The following HECW2 variants were observed in gnomAD, a reference collection of about 807,000 sequenced individuals.
HECW2 encodes the protein E3 ubiquitin-protein ligase HECW2.
Under a neutral mutation model 175.2 loss-of-function variants are expected in HECW2, and 61 were observed. The ratio of observed to expected loss-of-function variants is 0.35; its 90% CI spans 0.28 to 0.43. The LOEUF (loss-of-function observed/expected upper bound fraction) is 0.43. Ranked by LOEUF, HECW2 falls within the 20% of genes least tolerant of loss-of-function variation. The pLI, the probability that HECW2 is intolerant of heterozygous loss-of-function variation, is 1.00. For missense variants in HECW2, 1,524 were observed against 2,000.5 expected, an observed-to-expected ratio of 0.76 and a Z score of 4.54; for synonymous variants, 671 against 731.0, an observed-to-expected ratio of 0.92 and a Z score of 1.32.
chr2:196,572,899 G>A (rs575828896), intron 1 of HECW2, among the ~76,000 whole-genome samples: 2 of 152,266 alleles, frequency 1.3e-5, no homozygotes, highest in South Asian at 4.2e-4. Context: ...TGAACTGTGA[G>A]AAGTAAATAT....
At chr2:196,522,797 G>A (rs1433716534) in intron 1 of HECW2, among the ~76,000 whole-genome samples, 3 of 151,542 alleles carry the variant, frequency 2.0e-5, no homozygotes, top group South Asian at 2.1e-4. Context: ...GTAGATATGC[G>A]GCGTTATTTC....
At chr2:196,482,899 GA>G (rs1207064194) in intron 1 of HECW2, among the ~76,000 whole-genome samples, 1 of 152,126 alleles carries the variant, frequency 6.6e-6, no homozygotes, top group African/African-American at 2.4e-5. Flanking sequence ...CCACTTCTCT[GA>G]CTTTTTGTTT....
At chr2:196,535,604 G>T (rs1688995157) in intron 1 of HECW2, among the ~76,000 whole-genome samples, 1 of 152,130 alleles carries the variant, frequency 6.6e-6, no homozygotes, top group African/African-American at 2.4e-5. Flanking sequence ...ACCTTTCTGG[G>T]TCTAATGTCT....
Position 196,260,133 on chromosome 2 carries a change from A to T in HECW2, c.3336-2227T>A, listed in dbSNP as rs190387087. The T allele has an allele frequency of 1.6e-4, 25 of 152,352 alleles. No homozygotes were observed. In the East Asian group the frequency reaches 4.6e-3, roughly 28 times the overall value. 9.4% of individuals were successfully genotyped at this position (152,352 alleles called of 1,614,324 possible). On this transcript the variant is annotated intron_variant, in intron 17 of 28. Transcript: ENST00000644978. ...TGAGTCACAAGGATGATAGGATGAG[A>T]AAAAGAAAGGACAAAGGCACCAGAG...
At chr2:196,312,504 A>G (rs759174517) in intron 10 of HECW2, among the ~76,000 whole-genome samples, 2 of 152,182 alleles carry the variant, frequency 1.3e-5, no homozygotes, top group Non-Finnish European at 2.9e-5. Context: ...AAGGAAGTAA[A>G]ATTCCATTTG....
At chr2:196,480,437 G>A (rs535783430) in intron 1 of HECW2, among the ~76,000 whole-genome samples, 4 of 152,266 alleles carry the variant, frequency 2.6e-5, no homozygotes, top group African/African-American at 9.6e-5. Flanking sequence ...AATTGGGCGA[G>A]GCCTCCCTCA....
In HECW2 at chr2:196,292,727, GTTTGT is replaced by G; in HGVS notation, c.2833_2837del (p.Thr945GlnfsTer19). 6.2e-7 allele frequency: 1 copy of G among 1,613,502 alleles called. No homozygotes were observed. Among genetic ancestry groups the G allele is most frequent in the Non-Finnish European group, 8.5e-7 (1 of 1,179,500 alleles). ...TGATCATGTGCTTCAAACACGTGTT[GTTTGT>G]AAACATGCGGTAGGCACTCTAAAGA... On this transcript the variant is annotated frameshift_variant, in exon 14 of 29. Coordinates refer to ENST00000644978, the MANE Select transcript of HECW2 (RefSeq NM_001348768.2). LOFTEE classifies it high-confidence loss of function.
At chr2:196,435,934 A>T (rs1695854709) in intron 1 of HECW2, among the ~76,000 whole-genome samples, 1 of 152,354 alleles carries the variant, frequency 6.6e-6, no homozygotes, top group South Asian at 2.1e-4. Context: ...CTTTAATTAT[A>T]TCAAGAACTG....
At chr2:196,451,949 C>T (rs1696361383) in intron 1 of HECW2, among the ~76,000 whole-genome samples, 1 of 152,138 alleles carries the variant, frequency 6.6e-6, no homozygotes, top group Admixed American at 6.5e-5. Flanking sequence ...AGAACTTTCT[C>T]CAATTGGTCT....
chr2:196,392,947 CA>C (rs1223091163), intron 2 of HECW2, among the ~76,000 whole-genome samples: 1 of 152,110 alleles, frequency 6.6e-6, no homozygotes, highest in Non-Finnish European at 1.5e-5. Context: ...GTACTGGTAC[CA>C]AAACAGAGAT....
At chr2:196,424,644 C>CA in intron 2 of HECW2, among the ~76,000 whole-genome samples, 1 of 152,002 alleles carries the variant, frequency 6.6e-6, no homozygotes, top group Non-Finnish European at 1.5e-5. Context: ...TCTCTTAAAC[C>CA]AAGCCTAATC....
chr2:196,460,031 G>A (rs564615466), intron 1 of HECW2, among the ~76,000 whole-genome samples: 1 of 152,216 alleles, frequency 6.6e-6, no homozygotes, highest in Non-Finnish European at 1.5e-5. Context: ...CCCTCCAATT[G>A]TTTGTTTCTG....
At chr2:196,308,489 C>T (rs573769615) in intron 10 of HECW2, among the ~76,000 whole-genome samples, 1 of 152,286 alleles carries the variant, frequency 6.6e-6, no homozygotes, top group African/African-American at 2.4e-5. Context: ...TTTCTAGCTT[C>T]AATGAAAGCC....
At chr2:196,275,632 G>A (rs985219138) in intron 15 of HECW2, among the ~76,000 whole-genome samples, 8 of 151,996 alleles carry the variant, frequency 5.3e-5, no homozygotes, top group South Asian at 4.1e-4. Flanking sequence ...GGTGCCTGTA[G>A]TCCCAGCTAC....
chr2:196,453,643 A>G (rs1696413865), intron 1 of HECW2, among the ~76,000 whole-genome samples: 1 of 152,226 alleles, frequency 6.6e-6, no homozygotes, highest in Admixed American at 6.5e-5. Context: ...GTGATAGCTT[A>G]TATTTAGTTA....
chr2:196,447,122 G>A (rs1461499024), intron 1 of HECW2, among the ~76,000 whole-genome samples: 1 of 152,060 alleles, frequency 6.6e-6, no homozygotes, highest in Non-Finnish European at 1.5e-5. Context: ...TTGATACCAA[G>A]TTTAATTTTA....
rs955976184 is a variant in HECW2 at position 196,206,763 on chromosome 2, C to T, written c.4608-5375G>A. On this transcript the variant is annotated intron_variant, in intron 28 of 28. Transcript: ENST00000644978. Reference sequence around the variant, plus strand: ...AAGCAGGAACTGAAATCCAGCCTTCCTTTGGCTCTGCTTGCCAAATTGTGA... The same window carrying T: ...AAGCAGGAACTGAAATCCAGCCTTCTTTTGGCTCTGCTTGCCAAATTGTGA... Among the ~76,000 whole-genome samples the T allele has an allele frequency of 2.6e-5, 4 of 152,162 alleles. No individual in the cohort carries two copies. The East Asian group carries it at 5.8e-4, about 22-fold the overall frequency.
rs910211519 is a variant in HECW2 at position 196,413,163 on chromosome 2, G to A, written c.292+19969C>T. Among the ~76,000 whole-genome samples, 44 of 152,212 alleles carry A rather than the reference G, an allele frequency of 2.9e-4. 1 individual carries two copies. Among genetic ancestry groups the A allele is most frequent in the South Asian group, 1.7e-3 (8 of 4,818 alleles). On this transcript the variant is annotated intron_variant, in intron 2 of 28. Coordinates refer to ENST00000644978, the MANE Select transcript of HECW2 (RefSeq NM_001348768.2). The stretch of plus-strand genomic sequence containing the variant: ...AGGCCAGGAGTCCAAGACTAGCCTG[G>A]GCAACATAGAGAGACCCTGTCACTA...
intron 3 of HECW2, among the ~76,000 whole-genome samples, chr2:196,338,809 C>T (rs897590709): frequency 2.8e-4 from 43 of 152,162 alleles, no homozygotes; most frequent in African/African-American, 1.0e-3. Context: ...GTAATTTATT[C>T]TAGAACATGA....
Sources: gnomAD v4.1 joint callset for allele counts (sites outside exome capture counted in the v4.1 genomes callset) on GRCh38, gnomAD v4.1.1 for gene constraint, MANE v1.5 for transcripts, NCBI Gene and HGNC (gene_info 2026-07-23, HGNC 2026-07-21) for gene names.